Variants in RUSC2 observed in about 807,000 individuals in gnomAD.
RUSC2 encodes the protein RUN and SH3 domain containing 2, also known as AP-4 complex accessory subunit RUSC2.
Under a neutral mutation model 122.2 loss-of-function variants are expected in RUSC2, and 34 were observed. The ratio of observed to expected loss-of-function variants is 0.28; its 90% CI spans 0.21 to 0.37. The LOEUF is 0.37. Ranked by LOEUF, RUSC2 falls within the 10% of genes least tolerant of loss-of-function variation. The pLI is 1.00. For synonymous variants in RUSC2, 784 were observed against 790.0 expected (o/e 0.99, Z 0.13); for missense variants, 1,747 against 1,952.4 (o/e 0.89, Z 1.98).
chr9:35,550,730 A>G (rs1273994316), intron 2 of RUSC2, among the ~76,000 whole-genome samples: 1 of 152,190 alleles, frequency 6.6e-6, no homozygotes, highest in African/African-American at 2.4e-5. Context: ...ACTGTGACTT[A>G]AGGGATGAGC....
rs1425582631 is a variant in RUSC2 at position 35,490,158 on chromosome 9, G to GT, written c.-107_-106insT. On this transcript the variant is annotated 5_prime_UTR_variant, in exon 1 of 12. Coordinates refer to ENST00000361226, the MANE Select transcript of RUSC2 (RefSeq NM_014806.5). The stretch of plus-strand genomic sequence containing the variant: ...GCCGCCGGCGCGGAAGGACGAGGCT[G>GT]AGGCGAGAAACGAGGTAGGAACGCC... 6.4e-6 allele frequency: 1 copy of GT among 155,924 alleles called. No homozygotes were observed. The highest frequency in any genetic ancestry group is 1.4e-5 in the Non-Finnish European group (1 of 70,702). 9.7% of individuals were successfully genotyped at this position (155,924 alleles called of 1,614,324 possible).
intron 1 of RUSC2, among the ~76,000 whole-genome samples, chr9:35,494,943 A>C (rs1587831399): frequency 7.9e-6 from 1 of 127,188 alleles, no homozygotes; most frequent in African/African-American, 2.9e-5. Flanking sequence ...TTTATATATA[A>C]TATATATTAT....
intron 1 of RUSC2, among the ~76,000 whole-genome samples, chr9:35,513,082 CGAT>C (rs1487308399): frequency 1.3e-5 from 2 of 152,092 alleles, no homozygotes; most frequent in African/African-American, 2.4e-5. Flanking sequence ...ACTAGGATGA[CGAT>C]GATGATGACT....
At chr9:35,497,153 G>A (rs1022670338) in intron 1 of RUSC2, among the ~76,000 whole-genome samples, 1 of 152,168 alleles carries the variant, frequency 6.6e-6, no homozygotes, top group Non-Finnish European at 1.5e-5. Flanking sequence ...CAGGTTCGGT[G>A]TAGACTGTTC....
intron 1 of RUSC2, among the ~76,000 whole-genome samples, chr9:35,544,031 CTT>C (rs1475330950): frequency 1.3e-5 from 2 of 152,168 alleles, no homozygotes; most frequent in East Asian, 1.9e-4. Context: ...AACTGTCAGA[CTT>C]TTCCAAAGTA....
At chr9:35,494,955 C>T (rs1820650182) in intron 1 of RUSC2, among the ~76,000 whole-genome samples, 1 of 113,906 alleles carries the variant, frequency 8.8e-6, no homozygotes, top group Admixed American at 1.2e-4. Flanking sequence ...ATATATTATA[C>T]ATATATAAAA....
chr9:35,519,450 A>T (rs1305498112), intron 1 of RUSC2, among the ~76,000 whole-genome samples: 1 of 152,168 alleles, frequency 6.6e-6, no homozygotes, highest in Non-Finnish European at 1.5e-5. Flanking sequence ...TCAGTCTAGG[A>T]GCATGCCCTA....
intron 2 of RUSC2, chr9:35,549,349 C>T (rs903722756): frequency 5.4e-6 from 2 of 370,688 alleles, no homozygotes; most frequent in African/African-American, 4.4e-5. Context: ...GGCTGGAGTG[C>T]AGTGGCCTCC....
chr9:35,540,547 C>G (rs1424191302), intron 1 of RUSC2, among the ~76,000 whole-genome samples: 1 of 152,030 alleles, frequency 6.6e-6, no homozygotes, highest in Non-Finnish European at 1.5e-5. Context: ...ACCACAAGAG[C>G]AGGGAATAAT....
chr9:35,493,643 C>T (rs1820612960), intron 1 of RUSC2, among the ~76,000 whole-genome samples: 1 of 152,100 alleles, frequency 6.6e-6, no homozygotes. Context: ...GCTGGAATTA[C>T]AGGTGCACGC....
chr9:35,510,340 C>T (rs554802223), intron 1 of RUSC2, among the ~76,000 whole-genome samples: 25 of 152,198 alleles, frequency 1.6e-4, no homozygotes, highest in African/African-American at 5.3e-4. Flanking sequence ...AGTGAGACCC[C>T]GTCTCTACAA....
chr9:35,505,687 T>A (rs1001590722), intron 1 of RUSC2, among the ~76,000 whole-genome samples: 1 of 152,210 alleles, frequency 6.6e-6, no homozygotes, highest in African/African-American at 2.4e-5. Flanking sequence ...ATAATAATTT[T>A]AGTATATTTT....
In RUSC2 at chr9:35,559,361, A is replaced by T. The variant is rs1490342959; in HGVS notation, c.3388+89A>T. 17 of 1,138,008 alleles carry T rather than the reference A, an allele frequency of 1.5e-5. No homozygotes were observed. The East Asian group carries it at 3.8e-4, about 25-fold the overall frequency. The allele number at this position is 1,138,008 out of a possible 1,614,324, so 70.5% of individuals were successfully genotyped here. On this transcript the variant is annotated intron_variant, in intron 9 of 11. Coordinates refer to ENST00000361226, the MANE Select transcript of RUSC2 (RefSeq NM_014806.5). ...GGAAGAGCTGTCTTTTCATTGCTGG[A>T]GGTGGGGAGGGGGACCACACAAGCG...
chr9:35,531,327 A>C (rs1361699456), intron 1 of RUSC2, among the ~76,000 whole-genome samples: 2 of 152,160 alleles, frequency 1.3e-5, no homozygotes, highest in African/African-American at 4.8e-5. Flanking sequence ...TTAGTAGTAG[A>C]GTGACTTGCT....
Position 35,555,902 on chromosome 9 carries a change from C to G in RUSC2, c.2657-50C>G. The G allele has an allele frequency of 2.5e-6, 4 of 1,587,472 alleles. No homozygotes were observed. Among genetic ancestry groups the G allele is most frequent in the Non-Finnish European group, 3.4e-6 (4 of 1,162,998 alleles). ...ACTGGGTGGATGTGAAACTCTGTCT[C>G]GCTGTCTCCTGCCAACTCTTGTCTT... On this transcript the variant is annotated intron_variant, in intron 3 of 11. Coordinates refer to ENST00000361226, the MANE Select transcript of RUSC2 (RefSeq NM_014806.5). This position sits in a 1 kb window ranked among gnomAD's most constrained non-coding sequence, Gnocchi z 4.6.
intron 1 of RUSC2, among the ~76,000 whole-genome samples, chr9:35,514,685 TTC>T (rs1457290321): frequency 1.3e-5 from 2 of 152,314 alleles, no homozygotes; most frequent in African/African-American, 4.8e-5. Flanking sequence ...GGAGGTTTTT[TTC>T]TCTCATCAGC....
chr9:35,496,510 G>A (rs1339628415), intron 1 of RUSC2, among the ~76,000 whole-genome samples: 1 of 152,208 alleles, frequency 6.6e-6, no homozygotes, highest in Non-Finnish European at 1.5e-5. Context: ...CCCTCCTGCT[G>A]AAGGTGATGC....
At chr9:35,490,413 G>A (rs1258020879) in intron 1 of RUSC2, among the ~76,000 whole-genome samples, 1 of 151,840 alleles carries the variant, frequency 6.6e-6, no homozygotes. Flanking sequence ...GCGTCCACCG[G>A]ACCTTCAAAC....
At chr9:35,553,250 T>G (rs1353008976) in intron 2 of RUSC2, among the ~76,000 whole-genome samples, 1 of 152,188 alleles carries the variant, frequency 6.6e-6, no homozygotes, top group Admixed American at 6.5e-5. Context: ...AGATAAAATT[T>G]GTATCTCAGA....
Sources: allele counts gnomAD v4.1 joint callset (sites outside exome capture counted in the v4.1 genomes callset), GRCh38; gene constraint gnomAD v4.1.1; non-coding constraint Gnocchi (gnomAD v3.1); transcripts MANE v1.5; gene names NCBI Gene and HGNC (gene_info 2026-07-23, HGNC 2026-07-21).